The following ZSWIM6 variants were observed in gnomAD, a reference collection of about 807,000 sequenced individuals.
The protein encoded by ZSWIM6 is zinc finger SWIM-type containing 6.
A neutral mutation model predicts 113.2 loss-of-function variants in ZSWIM6; 9 were observed. That is an observed-to-expected ratio of 0.08 (90% confidence interval 0.05 to 0.14). ZSWIM6 has a LOEUF of 0.14. Ranked by LOEUF, ZSWIM6 falls within the 10% of genes least tolerant of loss-of-function variation. The pLI is 1.00. For synonymous variants in ZSWIM6, 611 were observed against 606.5 expected, an observed-to-expected ratio of 1.01 and a Z score of -0.11; for missense variants, 1,162 against 1,552.2, an observed-to-expected ratio of 0.75 and a Z score of 4.22.
intron 4 of ZSWIM6, among the ~76,000 whole-genome samples, chr5:61,514,574 T>C (rs1232484927): frequency 6.6e-6 from 1 of 152,170 alleles, no homozygotes; most frequent in Non-Finnish European, 1.5e-5. Flanking sequence ...AGAGCTTGCT[T>C]TATCATGAAG....
intron 1 of ZSWIM6, among the ~76,000 whole-genome samples, chr5:61,336,419 A>G (rs1426110746): frequency 6.6e-6 from 1 of 152,238 alleles, no homozygotes; most frequent in Non-Finnish European, 1.5e-5. Context: ...CTTCCCTGGT[A>G]TGACCTGAAA....
chr5:61,452,342 G>C (rs1011478378), intron 1 of ZSWIM6, among the ~76,000 whole-genome samples: 5 of 151,928 alleles, frequency 3.3e-5, no homozygotes, highest in Admixed American at 6.6e-5. Context: ...TGGATATTTG[G>C]GTTACCAGCT....
intron 1 of ZSWIM6, among the ~76,000 whole-genome samples, chr5:61,383,006 A>C (rs1021357268): frequency 6.6e-6 from 1 of 152,152 alleles, no homozygotes; most frequent in African/African-American, 2.4e-5. Flanking sequence ...TTCCAGGTGA[A>C]GTTCCTTTAA....
chr5:61,541,329 AAAAC>A (rs1283663563), intron 12 of ZSWIM6, among the ~76,000 whole-genome samples: 1 of 152,194 alleles, frequency 6.6e-6, no homozygotes, highest in East Asian at 1.9e-4. Context: ...TAGAAAGTGA[AAAAC>A]AAAATCAGAT....
At chr5:61,445,395 C>CA (rs1554035503) in intron 1 of ZSWIM6, among the ~76,000 whole-genome samples, 1 of 152,102 alleles carries the variant, frequency 6.6e-6, no homozygotes, top group Non-Finnish European at 1.5e-5. Flanking sequence ...ACAGTACTGA[C>CA]AACTATTTAG....
In ZSWIM6 at chr5:61,474,663, C is replaced by T. The variant is rs547291002; in HGVS notation, c.1033+1626C>T. Among the ~76,000 whole-genome samples the T allele has an allele frequency of 9.0e-3, 1,369 of 152,242 alleles. 6 individuals carry two copies. The highest frequency in any genetic ancestry group is 0.014 in the Non-Finnish European group (931 of 68,008). On this transcript the variant is annotated intron_variant, in intron 2 of 13. Coordinates refer to ENST00000252744, the MANE Select transcript of ZSWIM6 (RefSeq NM_020928.2). ...GCAAGTGCTCAGTAGCCACATGTGGCTAGTGGCTGCCATATTGGACAGCAC... is the reference window on the plus strand; with the variant it reads ...GCAAGTGCTCAGTAGCCACATGTGGTTAGTGGCTGCCATATTGGACAGCAC...
At position 61,530,206 on chromosome 5, in the gene ZSWIM6, C is replaced by A. The variant is rs1208915183; in HGVS notation, c.1984+8C>A. 2.6e-6 allele frequency: 4 copies of A among 1,545,460 alleles called. No homozygotes were observed. Among genetic ancestry groups the A allele is most frequent in the Non-Finnish European group, 3.5e-6 (4 of 1,143,458 alleles). On this transcript the variant is annotated splice_region_variant and intron_variant, in intron 8 of 13. Coordinates refer to ENST00000252744, the MANE Select transcript of ZSWIM6 (RefSeq NM_020928.2). ...GGTTCTCAGATTTTACAGGTAAAAC[C>A]ATTGACATTTGTCTCATGTGCTTTT...
intron 4 of ZSWIM6, among the ~76,000 whole-genome samples, chr5:61,504,898 C>T (rs1748559303): frequency 6.6e-6 from 1 of 152,160 alleles, no homozygotes; most frequent in Middle Eastern, 3.4e-3. Flanking sequence ...ACAGTCTAGT[C>T]AGGAAACAGA....
At chr5:61,406,766 G>A (rs1430598701) in intron 1 of ZSWIM6, among the ~76,000 whole-genome samples, 1 of 151,892 alleles carries the variant, frequency 6.6e-6, no homozygotes, top group Non-Finnish European at 1.5e-5. Context: ...AGGCTGGAGT[G>A]CAGTGACATG....
intron 10 of ZSWIM6, among the ~76,000 whole-genome samples, chr5:61,538,296 A>G (rs1277021150): frequency 1.3e-5 from 2 of 152,200 alleles, no homozygotes; most frequent in African/African-American, 4.8e-5. Context: ...ATGGATGGAA[A>G]AGAGGTAATT....
chr5:61,449,523 C>T (rs954739996), intron 1 of ZSWIM6, among the ~76,000 whole-genome samples: 17 of 152,108 alleles, frequency 1.1e-4, no homozygotes, highest in African/African-American at 3.6e-4. Flanking sequence ...CGCTATTGTA[C>T]CCAGAAATAC....
rs903528750 is a variant in ZSWIM6 at position 61,332,299 on chromosome 5, T to G, written c.27T>G (p.Pro9=). 8.6e-7 allele frequency: 1 copy of G among 1,165,854 alleles called. No homozygotes were observed. Among genetic ancestry groups the G allele is most frequent in the African/African-American group, 1.6e-5 (1 of 61,866 alleles). 72.2% of individuals were successfully genotyped at this position (1,165,854 alleles called of 1,614,324 possible). The change falls in exon 1 of 14, where the codon CCT becomes CCG. Residue 9 remains proline, a synonymous_variant. Transcript: ENST00000252744. Reference sequence around the variant, plus strand: ...TGGCGGAGCGCGGACAGCAGCCTCCTCCCGCGAAACGGCTTTGCTGCCGGC... The same window carrying G: ...TGGCGGAGCGCGGACAGCAGCCTCCGCCCGCGAAACGGCTTTGCTGCCGGC... The part of the protein sequence containing the change: MAERGQQP[P]PAKRLCCRPG...
intron 7 of ZSWIM6, among the ~76,000 whole-genome samples, chr5:61,526,993 A>G (rs1025451753): frequency 6.6e-6 from 1 of 152,246 alleles, no homozygotes; most frequent in East Asian, 1.9e-4. Context: ...ACATGTTACT[A>G]TATTTACTTA....
chr5:61,468,233 A>T (rs1747481712), intron 1 of ZSWIM6, among the ~76,000 whole-genome samples: 1 of 152,158 alleles, frequency 6.6e-6, no homozygotes, highest in South Asian at 2.1e-4. Context: ...ATTCCCAAGG[A>T]CTATACAACA....
chr5:61,533,976 C>T (rs1749511412), intron 9 of ZSWIM6, among the ~76,000 whole-genome samples: 1 of 152,180 alleles, frequency 6.6e-6, no homozygotes, highest in African/African-American at 2.4e-5. Context: ...TCTCTAGTGT[C>T]TCTTCTTACA....
At chr5:61,511,077 T>A (rs1748775352) in intron 4 of ZSWIM6, among the ~76,000 whole-genome samples, 1 of 152,178 alleles carries the variant, frequency 6.6e-6, no homozygotes, top group South Asian at 2.1e-4. Flanking sequence ...GTTAACTTGG[T>A]TATTAAGGCT....
At chr5:61,531,878 A>G (rs1397222446) in intron 9 of ZSWIM6, among the ~76,000 whole-genome samples, 153 bp downstream of exon 9, 1 of 152,208 alleles carries the variant, frequency 6.6e-6, no homozygotes, top group Non-Finnish European at 1.5e-5. Context: ...GCTGTCTAAA[A>G]AATAGTGTCA....
intron 1 of ZSWIM6, among the ~76,000 whole-genome samples, chr5:61,358,560 T>C (rs574957733): frequency 6.6e-6 from 1 of 152,254 alleles, no homozygotes. Context: ...CTGGAACATA[T>C]AGTCGTCTTA....
At chr5:61,414,997 A>T (rs753856982) in intron 1 of ZSWIM6, among the ~76,000 whole-genome samples, 13 of 152,180 alleles carry the variant, frequency 8.5e-5, no homozygotes, top group Non-Finnish European at 1.9e-4. Context: ...GTCTTTATAG[A>T]TGAGGAAACT....
Sources: gnomAD v4.1 joint callset for allele counts (sites outside exome capture counted in the v4.1 genomes callset) on GRCh38, gnomAD v4.1.1 for gene constraint, MANE v1.5 for transcripts, NCBI Gene and HGNC (gene_info 2026-07-23, HGNC 2026-07-21) for gene names.